The following MICAL3 variants were observed in gnomAD, a reference collection of about 807,000 sequenced individuals.
MICAL3 encodes the protein [F-actin]-monooxygenase MICAL3.
MICAL3 carries 62 observed loss-of-function variants against 207.4 expected under a neutral mutation model. The observed-to-expected ratio is 0.30, with a 90% CI of 0.24 to 0.37. The LOEUF is 0.37. Among genes scored for constraint, MICAL3 ranks in the 10% least tolerant of loss-of-function variants. MICAL3 has a pLI of 1.00. For synonymous variants in MICAL3, 1,077 were observed against 1,069.3 expected (o/e 1.01, Z -0.14); for missense variants, 2,368 against 2,635.6 (o/e 0.90, Z 2.22).
chr22:17,876,506 T>A (rs927709273), intron 16 of MICAL3: 1 of 152,360 alleles, frequency 6.6e-6, no homozygotes, highest in African/African-American at 2.4e-5. Flanking sequence ...AGCCAGCTCC[T>A]TGGCCCTGGG....
At chr22:17,845,510 TAGAG>T (rs899273793) in intron 19 of MICAL3, among the ~76,000 whole-genome samples, 4 of 151,806 alleles carry the variant, frequency 2.6e-5, no homozygotes, top group African/African-American at 9.7e-5. Flanking sequence ...TGGGAGAACA[TAGAG>T]AGAGTGAGTC....
chr22:18,015,255 T>C (rs2146509380), intron 1 of MICAL3, among the ~76,000 whole-genome samples: 1 of 152,298 alleles, frequency 6.6e-6, no homozygotes, highest in East Asian at 1.9e-4. Flanking sequence ...TTTCTGGGGC[T>C]AATAAAAAAC....
intron 19 of MICAL3, among the ~76,000 whole-genome samples, chr22:17,853,887 A>T (rs769236491): frequency 3.3e-5 from 5 of 152,292 alleles, no homozygotes; most frequent in African/African-American, 9.6e-5. Context: ...CGCCCGTCCT[A>T]TGGCATGCAG....
chr22:17,937,036 T>C lies in MICAL3; in HGVS notation c.-74-30150A>G, dbSNP rs5747426. Among the ~76,000 whole-genome samples, 14 of 152,304 alleles carry C rather than the reference T, an allele frequency of 9.2e-5. No homozygotes were observed. In the East Asian group the frequency reaches 2.5e-3, roughly 27 times the overall value. On this transcript the variant is annotated intron_variant, in intron 1 of 31. Coordinates refer to ENST00000441493, the MANE Select transcript of MICAL3 (RefSeq NM_015241.3). ...TCTCCAAGTACTTCCATGCAGATTATCCCACTTACAACTCGTAGTTCCATG... is the reference window on the plus strand; with the variant it reads ...TCTCCAAGTACTTCCATGCAGATTACCCCACTTACAACTCGTAGTTCCATG...
intron 24 of MICAL3, 43 bp from the exon 25 acceptor site, chr22:17,821,552 C>A (rs1921639979): frequency 6.7e-7 from 1 of 1,493,436 alleles, no homozygotes; most frequent in Non-Finnish European, 9.0e-7. Flanking sequence ...GAAGCCCCCC[C>A]ATGTGCCAGG....
At chr22:17,829,778 G>A (rs147277349) in intron 21 of MICAL3, among the ~76,000 whole-genome samples, 3 of 152,314 alleles carry the variant, frequency 2.0e-5, no homozygotes, top group African/African-American at 7.2e-5. Flanking sequence ...GGCTGGAGAT[G>A]AGCTTGCAGT....
chr22:17,812,451 T>C, intron 27 of MICAL3: 1 of 933,544 alleles, frequency 1.1e-6, no homozygotes, highest in Non-Finnish European at 1.3e-6. Context: ...CGGCGCCGGG[T>C]GGTTAATCAC....
intron 22 of MICAL3, among the ~76,000 whole-genome samples, chr22:17,825,155 C>T (rs1048548872): frequency 7.9e-5 from 12 of 152,172 alleles, no homozygotes; most frequent in Non-Finnish European, 1.2e-4. Context: ...GTCCTTCACG[C>T]GGCTCTCCTG....
At chr22:17,850,413 T>TG (rs1925192802) in intron 19 of MICAL3, among the ~76,000 whole-genome samples, 1 of 130,340 alleles carries the variant, frequency 7.7e-6, no homozygotes, top group Non-Finnish European at 1.6e-5. Context: ...TTTTTTTTTT[T>TG]TTTTTTTTTT....
At chr22:17,862,732 A>AG (rs1199295567) in intron 19 of MICAL3, 1 of 985,390 alleles carries the variant, frequency 1.0e-6, no homozygotes, top group African/African-American at 1.7e-5. Context: ...CTAGCAGCAG[A>AG]GTGAGCTCAC....
intron 2 of MICAL3, among the ~76,000 whole-genome samples, chr22:17,905,493 C>G (rs1960364473): frequency 6.6e-6 from 1 of 152,190 alleles, no homozygotes; most frequent in African/African-American, 2.4e-5. Context: ...ACGTGCAATG[C>G]TTTTGGCTTT....
Position 17,827,736 on chromosome 22 carries a change from A to G in MICAL3, c.3101T>C (p.Leu1034Pro), listed in dbSNP as rs757613520. ...LQQVMHAADP[L>P]EIQADVHWTH... ...CCAGTGCACGTCAGCCTGGATCTCC[A>G]GAGGATCCGCCGCGTGCATGACCTG... The change falls in exon 22 of 32, where the codon CTG becomes CCG. Residue 1034 changes from leucine (L) to proline (P), a missense_variant. Around this residue, in one of 4 missense-constraint regions of MICAL3, gnomAD observed 1,770 missense variants for 1,863.2 expected, o/e 0.95. Transcript: ENST00000441493. The G allele has an allele frequency of 1.3e-6, 2 of 1,567,320 alleles. No individual in the cohort carries two copies. Among genetic ancestry groups the G allele is most frequent in the South Asian group, 2.4e-5 (2 of 84,996 alleles).
chr22:17,981,722 C>T (rs921000933), intron 1 of MICAL3, among the ~76,000 whole-genome samples: 6 of 152,188 alleles, frequency 3.9e-5, no homozygotes, highest in African/African-American at 1.4e-4. Context: ...TGTGATGGCA[C>T]AGGCGATGCT....
intron 17 of MICAL3, among the ~76,000 whole-genome samples, chr22:17,871,051 T>A (rs540045617): frequency 6.6e-6 from 1 of 152,316 alleles, no homozygotes; most frequent in African/African-American, 2.4e-5. Context: ...GCCTCTCCTA[T>A]TAATCTAGGC....
At chr22:17,885,688 G>A (rs1460866278) in intron 16 of MICAL3, among the ~76,000 whole-genome samples, 190 bp downstream of exon 16, 2 of 152,146 alleles carry the variant, frequency 1.3e-5, no homozygotes, top group East Asian at 1.9e-4. Context: ...CACTGAGGAC[G>A]GAGCAACCCT....
intron 17 of MICAL3, among the ~76,000 whole-genome samples, chr22:17,869,437 T>G (rs1020186795): frequency 6.6e-6 from 1 of 152,098 alleles, no homozygotes; most frequent in African/African-American, 2.4e-5. Flanking sequence ...ACACACCACC[T>G]GTGGAGGTAG....
chr22:17,980,979 C>T, intron 1 of MICAL3: 1 of 494,070 alleles, frequency 2.0e-6, no homozygotes, highest in Non-Finnish European at 4.3e-6. Flanking sequence ...CTATTGGTCC[C>T]CTCCAGACAC....
chr22:17,837,223 G>A (rs1160469139), intron 20 of MICAL3, among the ~76,000 whole-genome samples: 20 of 152,256 alleles, frequency 1.3e-4, no homozygotes. Flanking sequence ...GAGTGAGGCG[G>A]GAGGGAGAGA....
At chr22:17,976,574 TA>T (rs1569154111) in intron 1 of MICAL3, among the ~76,000 whole-genome samples, 25 of 95,198 alleles carry the variant, frequency 2.6e-4, no homozygotes, top group African/African-American at 1.2e-3. Context: ...TATATATATA[TA>T]TATATATATA....
Sources: allele counts gnomAD v4.1 joint callset (sites outside exome capture counted in the v4.1 genomes callset), GRCh38; gene constraint gnomAD v4.1.1; regional missense constraint gnomAD v4.1.1; transcripts MANE v1.5; gene names NCBI Gene and HGNC (gene_info 2026-07-23, HGNC 2026-07-21).